The following ITPK1 variants were observed in gnomAD, a reference collection of about 807,000 sequenced individuals.
The protein encoded by ITPK1 is inositol-tetrakisphosphate 1-kinase, also known as inositol 1,3,4-trisphosphate 5/6-kinase.
In ITPK1, 21 loss-of-function variants were observed where a neutral mutation model predicts 45.3. The observed-to-expected ratio is 0.46, with a 90% CI of 0.33 to 0.67. The LOEUF is 0.67. Ranked by LOEUF, ITPK1 falls within the 30% of genes least tolerant of loss-of-function variation. The pLI is 0.02. For missense variants in ITPK1, 474 were observed against 573.5 expected, an observed-to-expected ratio of 0.83 and a Z score of 1.77; for synonymous variants, 258 against 253.6, an observed-to-expected ratio of 1.02 and a Z score of -0.16.
rs1324693661 is a variant in ITPK1 at position 92,946,481 on chromosome 14, C to T, written c.751G>A (p.Glu251Lys). The T allele has an allele frequency of 6.2e-7, 1 of 1,612,622 alleles. No homozygotes were observed. Among genetic ancestry groups the T allele is most frequent in the Non-Finnish European group, 8.5e-7 (1 of 1,179,970 alleles). Reference sequence around the variant, plus strand: ...TCGCTCGGCCGCTCGAACACGCCCTCGATCTTGTCCAGCTGCCAACATACA... The same window carrying T: ...TCGCTCGGCCGCTCGAACACGCCCTTGATCTTGTCCAGCTGCCAACATACA... ...SSVLTELDKI[E>K]GVFERPSDEV... Residue 251 changes from glutamate (E) to lysine (K), a missense_variant, in exon 10 of 11, where the codon GAG (glutamate) becomes AAG (lysine). This residue lies in a region of ITPK1 where 367 missense variants were observed against 480.6 expected (regional missense o/e 0.76). Transcript: ENST00000267615.
chr14:93,091,076 G>A (rs940832639), intron 2 of ITPK1, among the ~76,000 whole-genome samples: 6 of 152,320 alleles, frequency 3.9e-5, no homozygotes, highest in Non-Finnish European at 4.4e-5. Flanking sequence ...TGGAAGGAAA[G>A]GCAGGAAGAG....
intron 3 of ITPK1, among the ~76,000 whole-genome samples, chr14:93,037,625 T>C (rs757062624): frequency 5.3e-5 from 8 of 152,094 alleles, no homozygotes; most frequent in Non-Finnish European, 1.2e-4. Flanking sequence ...GGGGCTGAGA[T>C]TCAAACTCAG....
intron 3 of ITPK1, among the ~76,000 whole-genome samples, chr14:93,049,468 G>A (rs1889915444): frequency 6.6e-6 from 1 of 152,210 alleles, no homozygotes; most frequent in Admixed American, 6.5e-5. Flanking sequence ...GCTGGTGTCT[G>A]AGTTGGGAAT....
At chr14:92,985,676 G>C (rs974677001) in intron 5 of ITPK1, among the ~76,000 whole-genome samples, 3 of 151,998 alleles carry the variant, frequency 2.0e-5, no homozygotes, top group Non-Finnish European at 4.4e-5. Flanking sequence ...CAAATGCCTG[G>C]CAGGGTCTGG....
intron 9 of ITPK1, among the ~76,000 whole-genome samples, chr14:92,950,085 C>A (rs968995592): frequency 5.3e-5 from 8 of 152,252 alleles, no homozygotes; most frequent in African/African-American, 1.9e-4. Flanking sequence ...TTAGCTTGGG[C>A]CGGACCCCAG....
rs533550400 is a variant in ITPK1 at position 93,009,372 on chromosome 14, G to C, written c.246+7304C>G. On this transcript the variant is annotated intron_variant, in intron 4 of 10. Coordinates refer to ENST00000267615, the MANE Select transcript of ITPK1 (RefSeq NM_014216.6). The stretch of plus-strand genomic sequence containing the variant: ...CAGAGGGGCTGCAGCCCACATGCTG[G>C]CTCAGAGCGCAGGCTTTGGGGTGCC... Among the ~76,000 whole-genome samples, 5 of 152,328 alleles carry C rather than the reference G, an allele frequency of 3.3e-5. No individual in the cohort carries two copies. The East Asian group carries it at 9.6e-4, about 29-fold the overall frequency.
At chr14:92,979,192 T>C (rs1454139158) in intron 5 of ITPK1, among the ~76,000 whole-genome samples, 1 of 152,232 alleles carries the variant, frequency 6.6e-6, no homozygotes, top group Non-Finnish European at 1.5e-5. Flanking sequence ...GCAGTCCCTG[T>C]AGTTCTTGTT....
At chr14:93,088,647 C>T (rs1473018767) in intron 2 of ITPK1, among the ~76,000 whole-genome samples, 1 of 152,096 alleles carries the variant, frequency 6.6e-6, no homozygotes, top group Non-Finnish European at 1.5e-5. Context: ...TGAGCCTCTG[C>T]ACCAGGCCTC....
At chr14:93,052,527 G>C (rs1890056909) in intron 3 of ITPK1, among the ~76,000 whole-genome samples, 1 of 152,124 alleles carries the variant, frequency 6.6e-6, no homozygotes, top group African/African-American at 2.4e-5. Context: ...CTTACCCTGG[G>C]GGCCTTATCT....
intron 3 of ITPK1, among the ~76,000 whole-genome samples, chr14:93,045,897 G>A (rs1311405207): frequency 6.6e-6 from 1 of 151,874 alleles, no homozygotes; most frequent in Non-Finnish European, 1.5e-5. Context: ...ACCTTCAATC[G>A]CTCCCCAGTG....
At chr14:93,103,523 C>G (rs1432355551) in intron 2 of ITPK1, among the ~76,000 whole-genome samples, 4 of 152,168 alleles carry the variant, frequency 2.6e-5, no homozygotes, top group African/African-American at 9.7e-5. Context: ...GACAACTGCC[C>G]TGAAGCTCTC....
At chr14:93,089,474 G>T (rs1455638009) in intron 2 of ITPK1, among the ~76,000 whole-genome samples, 2 of 152,172 alleles carry the variant, frequency 1.3e-5, no homozygotes, top group Non-Finnish European at 2.9e-5. Flanking sequence ...GAGGTGATGA[G>T]CACCCCGTGA....
At chr14:93,026,388 T>A (rs1176833199) in intron 3 of ITPK1, among the ~76,000 whole-genome samples, 1 of 152,080 alleles carries the variant, frequency 6.6e-6, no homozygotes. Context: ...TTCCAACATA[T>A]AAAAATTAGA....
intron 2 of ITPK1, among the ~76,000 whole-genome samples, chr14:93,111,536 C>T (rs571763724): frequency 6.6e-6 from 1 of 152,106 alleles, no homozygotes; most frequent in Admixed American, 6.5e-5. Flanking sequence ...CATGGTAAAA[C>T]TCCATCTCCA....
rs1448170334 is a variant in ITPK1 at position 92,946,507 on chromosome 14, C to T, written c.739-14G>A. ...GATCTTGTCCAGCTGCCAACATACA[C>T]AAGGAAGTCAGGCCATGGGCCGAGG... On this transcript the variant is annotated splice_polypyrimidine_tract_variant and intron_variant, in intron 9 of 10. Coordinates refer to ENST00000267615, the MANE Select transcript of ITPK1 (RefSeq NM_014216.6). 1 of 1,611,396 alleles carries T rather than the reference C, an allele frequency of 6.2e-7. No homozygotes were observed. Among genetic ancestry groups the T allele is most frequent in the Admixed American group, 1.7e-5 (1 of 60,010 alleles).
intron 3 of ITPK1, among the ~76,000 whole-genome samples, chr14:93,023,316 T>C (rs1050854687): frequency 6.6e-6 from 1 of 152,226 alleles, no homozygotes; most frequent in African/African-American, 2.4e-5. Context: ...AGCATGTAAC[T>C]GCAGGAGTAA....
At chr14:93,082,896 C>T (rs8018718) in intron 2 of ITPK1, among the ~76,000 whole-genome samples, 30,973 of 152,204 alleles carry the variant, frequency 0.2, 4,005 homozygotes, top group African/African-American at 0.37. Flanking sequence ...GCAAATTCCC[C>T]GGCCAGACCC....
At chr14:93,015,794 G>C (rs773097357) in intron 4 of ITPK1, among the ~76,000 whole-genome samples, 1 of 152,218 alleles carries the variant, frequency 6.6e-6, no homozygotes. Flanking sequence ...GGCTGACCCC[G>C]AACACACGGG....
At chr14:92,980,776 A>G (rs1886185206) in intron 5 of ITPK1, among the ~76,000 whole-genome samples, 2 of 152,134 alleles carry the variant, frequency 1.3e-5, no homozygotes, top group South Asian at 4.1e-4. Context: ...CCCAGGTTCA[A>G]GCAATTCTCC....
Sources: allele counts gnomAD v4.1 joint callset (sites outside exome capture counted in the v4.1 genomes callset), GRCh38; gene constraint gnomAD v4.1.1; regional missense constraint gnomAD v4.1.1; transcripts MANE v1.5; gene names NCBI Gene and HGNC (gene_info 2026-07-23, HGNC 2026-07-21).